NFATC3: variants seen among roughly 807,000 people sequenced by gnomAD.
NFATC3 encodes nuclear factor of activated T-cells, cytoplasmic 3.
A neutral mutation model predicts 98.6 loss-of-function variants in NFATC3; 46 were observed. That is an observed-to-expected ratio of 0.47 (90% CI 0.37 to 0.60). NFATC3 has a LOEUF of 0.60. NFATC3 is among the 20% of genes least tolerant of loss of function. The probability of loss-of-function intolerance (pLI) is 0.00; values close to 1 mark genes in which losing one functional copy is unlikely to be tolerated. For missense variants in NFATC3, 1,256 were observed against 1,295.5 expected (o/e 0.97, Z 0.47); for synonymous variants, 512 against 472.2 (o/e 1.08, Z -1.09).
chr16:68,167,849 T>TTTTTTTTG (rs2039280290), intron 5 of NFATC3, among the ~76,000 whole-genome samples: 3 of 126,980 alleles, frequency 2.4e-5, no homozygotes, highest in Non-Finnish European at 4.9e-5. Flanking sequence ...TTTTTTTTTT[T>TTTTTTTTG]GAGACGGAGA....
chr16:68,101,815 A>AT (rs2035381482), intron 1 of NFATC3, among the ~76,000 whole-genome samples: 1 of 152,050 alleles, frequency 6.6e-6, no homozygotes, highest in African/African-American at 2.4e-5. Context: ...GAGTCTCAGC[A>AT]TTTTTGACAC....
intron 2 of NFATC3, 76 bp downstream of exon 2, chr16:68,123,197 A>G: frequency 7.0e-7 from 1 of 1,428,292 alleles, no homozygotes; most frequent in East Asian, 2.3e-5. Flanking sequence ...CATTATCAGT[A>G]TATAATGGTT....
At position 68,085,997 on chromosome 16, in the gene NFATC3, G is replaced by C; in HGVS notation, c.103+213G>C. ...GAAGTGGTGGCGGGCTTGGCTGGAA[G>C]CAAACTAGTGGGGAACTCGACTCCG... On this transcript the variant is annotated intron_variant, in intron 1 of 9. Coordinates refer to ENST00000346183, the MANE Select transcript of NFATC3 (RefSeq NM_173165.3). 3 of 444,606 alleles carry C rather than the reference G, an allele frequency of 6.7e-6. No individual in the cohort carries two copies. In the East Asian group the frequency reaches 1.1e-4, roughly 17 times the overall value. 27.5% of individuals were successfully genotyped at this position (444,606 alleles called of 1,614,324 possible).
At chr16:68,145,197 G>A (rs1280321151) in intron 3 of NFATC3, among the ~76,000 whole-genome samples, 1 of 150,812 alleles carries the variant, frequency 6.6e-6, no homozygotes, top group Admixed American at 6.6e-5. Context: ...AGGCTGGAGT[G>A]CAGTGATGCG....
intron 9 of NFATC3, among the ~76,000 whole-genome samples, chr16:68,220,921 A>G (rs1174035461): frequency 6.9e-6 from 1 of 144,658 alleles, no homozygotes; most frequent in African/African-American, 2.5e-5. Context: ...TCTGTCTCAG[A>G]AAAAAAAAAA....
At chr16:68,214,930 G>A (rs140145301) in intron 9 of NFATC3, among the ~76,000 whole-genome samples, 46 of 152,300 alleles carry the variant, frequency 3.0e-4, no homozygotes, top group Non-Finnish European at 6.2e-4. Context: ...GAAGAAAGCT[G>A]TAGTACTAGA....
chr16:68,139,105 T>G (rs1428107878), intron 3 of NFATC3, among the ~76,000 whole-genome samples: 4 of 152,174 alleles, frequency 2.6e-5, no homozygotes. Flanking sequence ...CTTTCTCACT[T>G]TATACTGAGA....
At chr16:68,172,484 A>G (rs1420435402) in intron 5 of NFATC3, among the ~76,000 whole-genome samples, 1 of 152,196 alleles carries the variant, frequency 6.6e-6, no homozygotes, top group African/African-American at 2.4e-5. Flanking sequence ...ATTAGAGGTC[A>G]GGTATGCCGA....
At chr16:68,197,173 G>A (rs1347149462) in intron 9 of NFATC3, among the ~76,000 whole-genome samples, 2 of 152,058 alleles carry the variant, frequency 1.3e-5, no homozygotes, top group Non-Finnish European at 2.9e-5. Context: ...AGAACTCATG[G>A]CCTCAAGCAA....
chr16:68,206,561 A>T (rs1186535772), intron 9 of NFATC3, among the ~76,000 whole-genome samples: 1 of 152,232 alleles, frequency 6.6e-6, no homozygotes, highest in Non-Finnish European at 1.5e-5. Flanking sequence ...CCATATTGTA[A>T]GCATACGGAG....
chr16:68,178,274 T>A (rs9935653), intron 6 of NFATC3, among the ~76,000 whole-genome samples: 2 of 152,178 alleles, frequency 1.3e-5, no homozygotes, highest in South Asian at 2.1e-4. Context: ...TTTTTCTCTC[T>A]GGGTTTCTTA....
intron 9 of NFATC3, among the ~76,000 whole-genome samples, chr16:68,223,603 TAAA>T (rs1348638304): frequency 6.6e-6 from 1 of 151,966 alleles, no homozygotes; most frequent in East Asian, 1.9e-4. Context: ...CCCTGTCTCT[TAAA>T]AAACAAAACA....
chr16:68,217,001 G>A (rs576643331), intron 9 of NFATC3, among the ~76,000 whole-genome samples: 1 of 152,254 alleles, frequency 6.6e-6, no homozygotes, highest in East Asian at 1.9e-4. Flanking sequence ...TTAAAAAAGT[G>A]AAGGATATCT....
At chr16:68,137,540 C>T (rs1446607356) in intron 3 of NFATC3, among the ~76,000 whole-genome samples, 3 of 151,584 alleles carry the variant, frequency 2.0e-5, no homozygotes, top group Admixed American at 1.3e-4. Flanking sequence ...TTTTGACTGT[C>T]GTTTCTCTTT....
At chr16:68,201,837 A>G (rs966536258) in intron 9 of NFATC3, among the ~76,000 whole-genome samples, 4 of 118,188 alleles carry the variant, frequency 3.4e-5, no homozygotes, top group Non-Finnish European at 7.8e-5. Context: ...GCATGCCTGT[A>G]GTCCCAGCTA....
chr16:68,172,169 A>C (rs2097322518), intron 5 of NFATC3, among the ~76,000 whole-genome samples: 1 of 151,666 alleles, frequency 6.6e-6, no homozygotes, highest in African/African-American at 2.4e-5. Context: ...TGATTATAAT[A>C]CTCTCTTTGA....
In NFATC3 at chr16:68,122,796, G is replaced by A; in HGVS notation, c.913G>A (p.Val305Met). 1.2e-6 allele frequency: 2 copies of A among 1,614,268 alleles called. No individual in the cohort carries two copies. The highest frequency in any genetic ancestry group is 1.1e-5 in the South Asian group (1 of 91,088). ...ACCTGGTCACTCCCCCAGGGGAAGTGTGACAGAAGATACGTGGCTCAATGC... is the reference window on the plus strand; with the variant it reads ...ACCTGGTCACTCCCCCAGGGGAAGTATGACAGAAGATACGTGGCTCAATGC... ...PSPGHSPRGS[V>M]TEDTWLNASV... Residue 305 changes from valine (V) to methionine (M), a missense_variant, in exon 2 of 10, where the codon GTG becomes ATG. This residue lies in a region of NFATC3 where 464 missense variants were observed against 465.7 expected (regional missense o/e 1.00). Transcript: ENST00000346183.
chr16:68,152,378 C>CAA (rs34713933), intron 3 of NFATC3, among the ~76,000 whole-genome samples: 105 of 75,776 alleles, frequency 1.4e-3, no homozygotes, highest in Non-Finnish European at 1.7e-3. Flanking sequence ...GACTCTGTCT[C>CAA]AAAAAAAAAA....
chr16:68,128,845 G>A (rs2036977172), intron 3 of NFATC3, among the ~76,000 whole-genome samples: 1 of 151,974 alleles, frequency 6.6e-6, no homozygotes, highest in Non-Finnish European at 1.5e-5. Flanking sequence ...TGGTGCTGTA[G>A]CTCATGCCTG....
Sources: allele counts gnomAD v4.1 joint callset (sites outside exome capture counted in the v4.1 genomes callset), GRCh38; gene constraint gnomAD v4.1.1; regional missense constraint gnomAD v4.1.1; transcripts MANE v1.5; gene names NCBI Gene and HGNC (gene_info 2026-07-23, HGNC 2026-07-21).